ASTN1: variants seen among roughly 807,000 people sequenced by gnomAD.
ASTN1 encodes astrotactin 1, also known as astrotactin-1.
ASTN1 carries 41 observed loss-of-function variants against 140.7 expected under a neutral mutation model. The observed-to-expected ratio is 0.29, with a 90% CI of 0.23 to 0.38. The LOEUF (loss-of-function observed/expected upper bound fraction) is 0.38. Among genes scored for constraint, ASTN1 ranks in the 10% least tolerant of loss-of-function variants. ASTN1 has a pLI of 1.00. For synonymous variants in ASTN1, 640 were observed against 652.2 expected (o/e 0.98, Z 0.29); for missense variants, 1,479 against 1,678.8 (o/e 0.88, Z 2.08).
intron 1 of ASTN1, among the ~76,000 whole-genome samples, chr1:177,114,406 A>G (rs1437501607): frequency 1.3e-5 from 2 of 151,880 alleles, no homozygotes; most frequent in East Asian, 3.8e-4. Flanking sequence ...ATTTCACATG[A>G]CATGAATGGT....
intron 1 of ASTN1, among the ~76,000 whole-genome samples, chr1:177,162,846 A>G (rs1212933175): frequency 6.6e-6 from 1 of 152,160 alleles, no homozygotes; most frequent in East Asian, 1.9e-4. Context: ...CGGCATATCC[A>G]CAATGCTCCC....
At chr1:176,873,802 G>A (rs190960004) in intron 21 of ASTN1, among the ~76,000 whole-genome samples, 40 of 152,132 alleles carry the variant, frequency 2.6e-4, no homozygotes, top group African/African-American at 4.1e-4. Flanking sequence ...CTCCCAGCTC[G>A]TCTGCTGGGA....
chr1:176,955,482 A>C (rs924499208), intron 11 of ASTN1, among the ~76,000 whole-genome samples: 2 of 152,202 alleles, frequency 1.3e-5, no homozygotes, highest in African/African-American at 4.8e-5. Flanking sequence ...TGTGTCTGCC[A>C]ATCCGCCTGC....
chr1:177,138,977 C>G (rs1682329371), intron 1 of ASTN1, among the ~76,000 whole-genome samples: 1 of 152,222 alleles, frequency 6.6e-6, no homozygotes, highest in Non-Finnish European at 1.5e-5. Flanking sequence ...AGCCCATGCT[C>G]TTTCCACTCC....
At chr1:177,091,840 T>C (rs1036477754) in intron 1 of ASTN1, among the ~76,000 whole-genome samples, 4 of 152,318 alleles carry the variant, frequency 2.6e-5, no homozygotes, top group Non-Finnish European at 1.5e-5. Flanking sequence ...TTATGATTCA[T>C]ACATGTTGTA....
At chr1:176,937,487 G>A (rs1215917123) in intron 14 of ASTN1, among the ~76,000 whole-genome samples, 1 of 152,016 alleles carries the variant, frequency 6.6e-6, no homozygotes, top group African/African-American at 2.4e-5. Context: ...TGTTATTAAT[G>A]GGCTATTCTT....
intron 1 of ASTN1, among the ~76,000 whole-genome samples, chr1:177,114,121 G>A (rs1450565942): frequency 6.6e-6 from 1 of 152,166 alleles, no homozygotes; most frequent in Non-Finnish European, 1.5e-5. Context: ...CACAGGCTTT[G>A]GAGTCAGCTG....
chr1:177,128,610 A>T (rs926130340), intron 1 of ASTN1, among the ~76,000 whole-genome samples: 2 of 152,214 alleles, frequency 1.3e-5, no homozygotes, highest in African/African-American at 2.4e-5. Flanking sequence ...CCCAAATCAA[A>T]ATCTAGAAGA....
At chr1:177,059,218 A>G (rs1211329777) in intron 2 of ASTN1, among the ~76,000 whole-genome samples, 1 of 152,176 alleles carries the variant, frequency 6.6e-6, no homozygotes, top group Non-Finnish European at 1.5e-5. Context: ...TGATGGCAGG[A>G]TGTGGATGGC....
At chr1:177,066,930 T>G (rs555087717) in intron 1 of ASTN1, among the ~76,000 whole-genome samples, 56 of 152,222 alleles carry the variant, frequency 3.7e-4, no homozygotes, top group African/African-American at 1.1e-3. Flanking sequence ...CATTAAGTAG[T>G]CAATTTTTAG....
chr1:176,900,194 A>G (rs1478248888), intron 16 of ASTN1, among the ~76,000 whole-genome samples: 2 of 152,226 alleles, frequency 1.3e-5, no homozygotes, highest in Non-Finnish European at 2.9e-5. Context: ...AGGAGAAAGC[A>G]TTATTCTGAT....
chr1:176,972,637 T>TAC (rs1673188236), intron 8 of ASTN1, among the ~76,000 whole-genome samples: 1 of 152,158 alleles, frequency 6.6e-6, no homozygotes, highest in African/African-American at 2.4e-5. Flanking sequence ...GTGCTGGGAT[T>TAC]ACAGCTGTGA....
At chr1:177,063,868 C>A (rs762884485) in intron 1 of ASTN1, among the ~76,000 whole-genome samples, 2 of 152,148 alleles carry the variant, frequency 1.3e-5, no homozygotes, top group Non-Finnish European at 2.9e-5. Flanking sequence ...CAGCAGGGCA[C>A]CTCCAGCCTC....
At chr1:177,148,312 G>A (rs1682811357) in intron 1 of ASTN1, among the ~76,000 whole-genome samples, 1 of 151,960 alleles carries the variant, frequency 6.6e-6, no homozygotes, top group African/African-American at 2.4e-5. Flanking sequence ...CAGCTACTCA[G>A]GAGGCTGAGG....
rs556938999 is a variant in ASTN1 at position 177,142,772 on chromosome 1, G to T, written c.283+21622C>A. ...TGGAAGTCATTATTTAATCCAGCAAGTTCCTGATTTCTATAAGGACAATGA... is the reference window on the plus strand; with the variant it reads ...TGGAAGTCATTATTTAATCCAGCAATTTCCTGATTTCTATAAGGACAATGA... On this transcript the variant is annotated intron_variant, in intron 1 of 22. Coordinates refer to ENST00000361833, the MANE Select transcript of ASTN1 (RefSeq NM_004319.3). 8.2e-3 allele frequency among the ~76,000 whole-genome samples: 1,247 copies of T among 152,030 alleles called. 8 individuals carry two copies. Among genetic ancestry groups the T allele is most frequent in the Middle Eastern group, 0.021 (6 of 292 alleles).
chr1:177,149,015 A>G (rs1195348002), intron 1 of ASTN1, among the ~76,000 whole-genome samples: 2 of 142,220 alleles, frequency 1.4e-5, no homozygotes, highest in African/African-American at 5.2e-5. Flanking sequence ...TCTAGAAGAG[A>G]GGAAGGAGAT....
intron 16 of ASTN1, among the ~76,000 whole-genome samples, chr1:176,933,577 T>G (rs1671302986): frequency 6.6e-6 from 1 of 152,222 alleles, no homozygotes; most frequent in Non-Finnish European, 1.5e-5. Flanking sequence ...TTGAACTGAA[T>G]ACTAACTTGC....
chr1:177,011,260 C>A (rs908633857), intron 8 of ASTN1, among the ~76,000 whole-genome samples: 2 of 152,142 alleles, frequency 1.3e-5, no homozygotes, highest in Non-Finnish European at 2.9e-5. Context: ...AAACCCTATT[C>A]CATATTTTTG....
chr1:176,896,291 G>C (rs905746619), intron 16 of ASTN1, among the ~76,000 whole-genome samples: 2 of 152,014 alleles, frequency 1.3e-5, no homozygotes, highest in African/African-American at 2.4e-5. Flanking sequence ...TTTAATAATC[G>C]ACCCAGAGCC....
Sources: allele counts gnomAD v4.1 joint callset (sites outside exome capture counted in the v4.1 genomes callset), GRCh38; gene constraint gnomAD v4.1.1; transcripts MANE v1.5; gene names NCBI Gene and HGNC (gene_info 2026-07-23, HGNC 2026-07-21).